Variants in CTNNA3 observed in about 807,000 individuals in gnomAD.
CTNNA3 encodes the protein catenin alpha 3.
CTNNA3 carries 76 observed loss-of-function variants against 95.7 expected under a neutral mutation model. That is an observed-to-expected ratio of 0.79 (90% confidence interval 0.66 to 0.96). The LOEUF (loss-of-function observed/expected upper bound fraction) is 0.96, where lower values mean the gene tolerates loss of function less well. Among genes scored for constraint, CTNNA3 ranks in the 40% least tolerant of loss-of-function variants. The pLI, the probability that CTNNA3 is intolerant of heterozygous loss-of-function variation, is 0.00. For synonymous variants in CTNNA3, 431 were observed against 374.4 expected (o/e 1.15, Z -1.74); for missense variants, 1,191 against 1,089.8 (o/e 1.09, Z -1.31).
At chr10:67,307,888 T>C (rs925238034) in intron 5 of CTNNA3, among the ~76,000 whole-genome samples, 7 of 152,106 alleles carry the variant, frequency 4.6e-5, no homozygotes, top group African/African-American at 1.7e-4. Flanking sequence ...AAAATATGGA[T>C]GAAATTAACC....
chr10:66,928,129 G>C, intron 7 of CTNNA3: 1 of 1,613,900 alleles, frequency 6.2e-7, no homozygotes, highest in Non-Finnish European at 8.5e-7. Flanking sequence ...CACAGAGCCC[G>C]GCCCAGAGAC....
chr10:67,260,954 G>A (rs1866584345), intron 5 of CTNNA3, among the ~76,000 whole-genome samples: 2 of 152,136 alleles, frequency 1.3e-5, no homozygotes, highest in Admixed American at 1.3e-4. Context: ...CAAAGTGCTA[G>A]GATTACAGGC....
chr10:66,955,626 T>A (rs779766428), intron 7 of CTNNA3, among the ~76,000 whole-genome samples: 1 of 152,152 alleles, frequency 6.6e-6, no homozygotes, highest in Non-Finnish European at 1.5e-5. Flanking sequence ...GATATATGGA[T>A]AGACACACGA....
intron 1 of CTNNA3, among the ~76,000 whole-genome samples, chr10:67,759,809 C>A (rs952225725): frequency 6.6e-6 from 1 of 152,044 alleles, no homozygotes; most frequent in Non-Finnish European, 1.5e-5. Flanking sequence ...CTGAAAACGC[C>A]CCCCTACTGA....
chr10:67,414,492 T>A (rs1307304269), intron 5 of CTNNA3, among the ~76,000 whole-genome samples: 1 of 152,068 alleles, frequency 6.6e-6, no homozygotes, highest in Non-Finnish European at 1.5e-5. Context: ...ACACCCCAAT[T>A]CTACCAGACA....
rs1440172674 is a variant in CTNNA3, at chr10:66,355,315, T to C, written c.1732+23837A>G. On this transcript the variant is annotated intron_variant, in intron 12 of 17. Transcript: ENST00000433211. ...GGATCCACCATTTAACTGGGTCACA[T>C]TGGGAAAATTATTTTATGCAAATCT... Among the ~76,000 whole-genome samples the C allele has an allele frequency of 7.2e-4, 110 of 152,174 alleles. 2 individuals carry two copies. The highest frequency in any genetic ancestry group is 8.8e-5 in the Non-Finnish European group (6 of 67,952).
intron 7 of CTNNA3, among the ~76,000 whole-genome samples, chr10:66,956,576 A>G (rs1205917287): frequency 6.6e-6 from 1 of 152,164 alleles, no homozygotes; most frequent in African/African-American, 2.4e-5. Context: ...AGTTCCCTCC[A>G]GTGAAATGTT....
rs1024317192 is a variant in CTNNA3 at position 67,317,161 on chromosome 10, GTTTTGTTTTGTTTTTTTCT to G, written c.580-97310_580-97292del. Among the ~76,000 whole-genome samples, 29 of 67,420 alleles carry G rather than the reference GTTTTGTTTTGTTTTTTTCT, an allele frequency of 4.3e-4. 1 individual carries two copies. Among genetic ancestry groups the G allele is most frequent in the African/African-American group, 7.1e-4 (26 of 36,374 alleles). 44.2% of individuals were successfully genotyped at this position (67,420 alleles called of 152,430 possible). On this transcript the variant is annotated intron_variant, in intron 5 of 17. Transcript: ENST00000433211. The stretch of plus-strand genomic sequence containing the variant: ...TAAGCAGCACATATCATCGGGTTTT[GTTTTGTTTTGTTTTTTTCT>G]TTTTGTTTTTTTCTTTTTTTGCTTC...
chr10:67,242,298 G>C (rs748999074), intron 5 of CTNNA3, among the ~76,000 whole-genome samples: 1 of 152,102 alleles, frequency 6.6e-6, no homozygotes, highest in Non-Finnish European at 1.5e-5. Context: ...AAACTAATAA[G>C]TATAATCTTG....
chr10:67,504,435 CA>C (rs60719599), intron 5 of CTNNA3, among the ~76,000 whole-genome samples: 113 of 16,152 alleles, frequency 7.0e-3, no homozygotes, highest in South Asian at 0.014. Context: ...GACTCCATCT[CA>C]AAAAAAAAAA....
chr10:66,603,677 T>C (rs932755984), intron 10 of CTNNA3, among the ~76,000 whole-genome samples: 3 of 152,138 alleles, frequency 2.0e-5, no homozygotes, highest in African/African-American at 4.8e-5. Flanking sequence ...TGGTTTTCAA[T>C]TGTACTACAA....
At chr10:67,636,132 G>A (rs1284307402) in intron 2 of CTNNA3, among the ~76,000 whole-genome samples, 1 of 152,044 alleles carries the variant, frequency 6.6e-6, no homozygotes, top group Admixed American at 6.6e-5. Flanking sequence ...CCTTCTTCAA[G>A]GAGAACTACA....
At chr10:67,174,504 C>CTA (rs1313348228) in intron 7 of CTNNA3, among the ~76,000 whole-genome samples, 1 of 152,086 alleles carries the variant, frequency 6.6e-6, no homozygotes, top group African/African-American at 2.4e-5. Flanking sequence ...AATTAAGGAA[C>CTA]ATTTAGTAGA....
At chr10:66,922,836 T>G (rs1342305326) in intron 7 of CTNNA3, among the ~76,000 whole-genome samples, 1 of 152,198 alleles carries the variant, frequency 6.6e-6, no homozygotes, top group African/African-American at 2.4e-5. Context: ...TGTGGGTACA[T>G]AGTAAGTGTG....
intron 7 of CTNNA3, among the ~76,000 whole-genome samples, chr10:67,077,368 A>C (rs1040238224): frequency 1.3e-5 from 2 of 152,176 alleles, no homozygotes; most frequent in African/African-American, 2.4e-5. Flanking sequence ...AAAATTTATA[A>C]AATGGTCCAC....
At chr10:67,684,479 C>T (rs953203330) in intron 1 of CTNNA3, among the ~76,000 whole-genome samples, 4 of 152,162 alleles carry the variant, frequency 2.6e-5, no homozygotes, top group Admixed American at 2.6e-4. Flanking sequence ...CTCCAAGTCC[C>T]CACCCAACCC....
intron 5 of CTNNA3, chr10:67,334,062 C>G (rs1377879912): frequency 6.6e-6 from 1 of 152,124 alleles, no homozygotes; most frequent in Non-Finnish European, 1.5e-5. Context: ...AATAAAATAT[C>G]ATAAGATCCT....
At chr10:66,321,124 A>C (rs1349123765) in intron 12 of CTNNA3, among the ~76,000 whole-genome samples, 1 of 152,138 alleles carries the variant, frequency 6.6e-6, no homozygotes, top group Non-Finnish European at 1.5e-5. Context: ...TGAGTTTTAC[A>C]TGGTAGCCCA....
intron 5 of CTNNA3, among the ~76,000 whole-genome samples, chr10:67,349,971 A>C (rs1842571697): frequency 6.6e-6 from 1 of 152,166 alleles, no homozygotes. Flanking sequence ...TAATTATGTC[A>C]GAAGATTTGT....
Sources: gnomAD v4.1 joint callset for allele counts (sites outside exome capture counted in the v4.1 genomes callset) on GRCh38, gnomAD v4.1.1 for gene constraint, MANE v1.5 for transcripts, NCBI Gene and HGNC (gene_info 2026-07-23, HGNC 2026-07-21) for gene names.